Variants in AFG1L observed in about 807,000 individuals in gnomAD.
AFG1L encodes AFG1 like ATPase.
Under a neutral mutation model 62.2 loss-of-function variants are expected in AFG1L, and 53 were observed. The ratio of observed to expected loss-of-function variants is 0.85; its 90% CI spans 0.68 to 1.07. The LOEUF (loss-of-function observed/expected upper bound fraction) is 1.07, where lower values mean the gene tolerates loss of function less well. Ranked by LOEUF, AFG1L falls within the 50% of genes least tolerant of loss-of-function variation. The pLI is 0.00. For missense variants in AFG1L, 555 were observed against 590.5 expected (o/e 0.94, Z 0.62); for synonymous variants, 228 against 210.3 (o/e 1.08, Z -0.73).
intron 1 of AFG1L, among the ~76,000 whole-genome samples, chr6:108,317,724 G>C (rs1172399779): frequency 6.6e-6 from 1 of 152,132 alleles, no homozygotes; most frequent in African/African-American, 2.4e-5. Flanking sequence ...GTTAGCCTAA[G>C]GGAGGGAGCA....
rs748955005 is a variant in AFG1L at position 108,513,190 on chromosome 6, C to T, written c.1203+2838C>T. On this transcript the variant is annotated intron_variant, in intron 11 of 12. Coordinates refer to ENST00000368977, the MANE Select transcript of AFG1L (RefSeq NM_145315.5). ...AGTCTACAGCTCCCAGCATGAGCGACGCAGAAGATGAATGATTTCTGCATT... is the reference window on the plus strand; with the variant it reads ...AGTCTACAGCTCCCAGCATGAGCGATGCAGAAGATGAATGATTTCTGCATT... 9.2e-5 allele frequency among the ~76,000 whole-genome samples: 14 copies of T among 152,304 alleles called. No homozygotes were observed. The East Asian group carries it at 1.2e-3, about 13-fold the overall frequency.
intron 7 of AFG1L, among the ~76,000 whole-genome samples, chr6:108,415,771 C>G (rs1053498842): frequency 6.6e-6 from 1 of 152,174 alleles, no homozygotes; most frequent in Non-Finnish European, 1.5e-5. Flanking sequence ...ACAATTAATT[C>G]AAGATGGATT....
In AFG1L at chr6:108,458,612, G is replaced by A. The variant is rs183846744; in HGVS notation, c.890+11316G>A. Reference sequence around the variant, plus strand: ...TATAGACACACACCACCATGCTGCGGGGGTTTCTTTTTTATATCTTCTTTG... The same window carrying A: ...TATAGACACACACCACCATGCTGCGAGGGTTTCTTTTTTATATCTTCTTTG... On this transcript the variant is annotated intron_variant, in intron 8 of 12. Transcript: ENST00000368977. Among the ~76,000 whole-genome samples, 228 of 152,044 alleles carry A rather than the reference G, an allele frequency of 1.5e-3. 1 individual carries two copies. Among genetic ancestry groups the A allele is most frequent in the Non-Finnish European group, 1.8e-3 (120 of 67,962 alleles).
chr6:108,503,321 A>C (rs1235457720), intron 10 of AFG1L, among the ~76,000 whole-genome samples: 8 of 152,236 alleles, frequency 5.3e-5, no homozygotes, highest in African/African-American at 1.9e-4. Flanking sequence ...TTTCTTAAAT[A>C]ATTAGACTTG....
chr6:108,447,193 C>T (rs766037601), intron 7 of AFG1L, 21 bp from the exon 8 acceptor site: 2 of 1,363,144 alleles, frequency 1.5e-6, no homozygotes, highest in East Asian at 2.3e-5. Context: ...TAAAAAGGCA[C>T]TTCATTTGTT....
intron 8 of AFG1L, among the ~76,000 whole-genome samples, chr6:108,450,923 C>G (rs1010329983): frequency 2.7e-5 from 4 of 149,784 alleles, no homozygotes; most frequent in Non-Finnish European, 5.9e-5. Context: ...GGGCTCTGTT[C>G]TGTTCCACTG....
At position 108,522,734 on chromosome 6, in the gene AFG1L, A is replaced by C. The variant is rs988703832; in HGVS notation, c.*309A>C. 12 of 180,460 alleles carry C rather than the reference A, an allele frequency of 6.6e-5. No individual in the cohort carries two copies. Among genetic ancestry groups the C allele is most frequent in the Non-Finnish European group, 1.1e-4 (9 of 85,588 alleles). 11.2% of individuals were successfully genotyped at this position (180,460 alleles called of 1,614,324 possible). A position where few individuals can be genotyped will look rare whatever the true frequency, so the allele number is the denominator to read the frequency against. ...AACCACCTGAATGAACCTTGAATGCACAAGTAAATGCAAGACGTCTGGATA... is the reference window on the plus strand; with the variant it reads ...AACCACCTGAATGAACCTTGAATGCCCAAGTAAATGCAAGACGTCTGGATA... On this transcript the variant is annotated 3_prime_UTR_variant, in exon 13 of 13. Transcript: ENST00000368977.
At chr6:108,338,541 T>C (rs1260774341) in intron 2 of AFG1L, among the ~76,000 whole-genome samples, 1 of 152,152 alleles carries the variant, frequency 6.6e-6, no homozygotes, top group African/African-American at 2.4e-5. Flanking sequence ...CTCTATGTTG[T>C]CCAGGTTGGT....
intron 10 of AFG1L, among the ~76,000 whole-genome samples, chr6:108,483,398 A>G (rs1246840579): frequency 6.6e-6 from 1 of 152,162 alleles, no homozygotes; most frequent in African/African-American, 2.4e-5. Flanking sequence ...TTCCTCAATA[A>G]TTTTTAAAAG....
At chr6:108,392,839 G>A (rs1781117005) in intron 6 of AFG1L, among the ~76,000 whole-genome samples, 1 of 151,918 alleles carries the variant, frequency 6.6e-6, no homozygotes, top group Admixed American at 6.6e-5. Context: ...AAAAGTTTTT[G>A]TTACTCTAAA....
At chr6:108,440,634 C>T (rs1475339624) in intron 7 of AFG1L, among the ~76,000 whole-genome samples, 1 of 151,534 alleles carries the variant, frequency 6.6e-6, no homozygotes, top group Non-Finnish European at 1.5e-5. Context: ...GCCTGGCCAA[C>T]ATGGTGAAAC....
chr6:108,472,552 A>G (rs1209466771), intron 8 of AFG1L, among the ~76,000 whole-genome samples: 1 of 152,120 alleles, frequency 6.6e-6, no homozygotes, highest in Non-Finnish European at 1.5e-5. Flanking sequence ...TTTGCTTAGG[A>G]TAGTTTATCT....
At chr6:108,384,627 C>T (rs1417387996) in intron 6 of AFG1L, among the ~76,000 whole-genome samples, 1 of 152,084 alleles carries the variant, frequency 6.6e-6, no homozygotes, top group Non-Finnish European at 1.5e-5. Context: ...AGACTATCCC[C>T]CAATATGAAC....
chr6:108,305,225 G>T (rs1435698819), intron 1 of AFG1L, among the ~76,000 whole-genome samples: 1 of 152,130 alleles, frequency 6.6e-6, no homozygotes. Flanking sequence ...ATGGCCAAGG[G>T]CCTAGTCTGA....
At chr6:108,418,896 C>T (rs568977123) in intron 7 of AFG1L, among the ~76,000 whole-genome samples, 36 of 152,240 alleles carry the variant, frequency 2.4e-4, no homozygotes, top group African/African-American at 8.2e-4. Context: ...TATTAGGTTA[C>T]TTTCAATTTA....
intron 7 of AFG1L, among the ~76,000 whole-genome samples, chr6:108,411,905 G>C (rs541318255): frequency 2.6e-5 from 4 of 152,218 alleles, no homozygotes; most frequent in Non-Finnish European, 5.9e-5. Flanking sequence ...GCTGGACAGA[G>C]AATGACTTTG....
At chr6:108,405,261 G>T (rs766250989) in intron 7 of AFG1L, among the ~76,000 whole-genome samples, 25 of 152,058 alleles carry the variant, frequency 1.6e-4, no homozygotes, top group Non-Finnish European at 2.8e-4. Flanking sequence ...ATGGAAGCTG[G>T]CATTTTCATA....
At chr6:108,405,128 C>T (rs924239876) in intron 7 of AFG1L, among the ~76,000 whole-genome samples, 1 of 152,128 alleles carries the variant, frequency 6.6e-6, no homozygotes, top group Non-Finnish European at 1.5e-5. Context: ...TCTCTTGAAA[C>T]ATTGTTATCA....
chr6:108,447,648 C>T (rs76680118), intron 8 of AFG1L, among the ~76,000 whole-genome samples: 2 of 152,018 alleles, frequency 1.3e-5, no homozygotes, highest in East Asian at 1.9e-4. Context: ...GTGCCATTTC[C>T]GTTCCCCCCA....
Sources: allele counts gnomAD v4.1 joint callset (sites outside exome capture counted in the v4.1 genomes callset), GRCh38; gene constraint gnomAD v4.1.1; transcripts MANE v1.5; gene names NCBI Gene and HGNC (gene_info 2026-07-23, HGNC 2026-07-21).